The following NAALADL2 variants were observed in gnomAD, a reference collection of about 807,000 sequenced individuals.
NAALADL2 encodes N-acetylated alpha-linked acidic dipeptidase like 2.
A neutral mutation model predicts 87.2 loss-of-function variants in NAALADL2; 76 were observed. The ratio of observed to expected loss-of-function variants is 0.87; its 90% CI spans 0.72 to 1.05. The LOEUF is 1.05. Ranked by LOEUF, NAALADL2 falls within the 50% of genes least tolerant of loss-of-function variation. The pLI is 0.00. For synonymous variants in NAALADL2, 354 were observed against 331.0 expected (o/e 1.07, Z -0.75); for missense variants, 1,089 against 945.8 (o/e 1.15, Z -1.99).
At chr3:175,576,272 CA>C in intron 10 of NAALADL2, 85 bp downstream of exon 10, 1 of 1,237,822 alleles carries the variant, frequency 8.1e-7, no homozygotes. Flanking sequence ...ATTCAATTTT[CA>C]TATCAAATAG....
intron 2 of NAALADL2, among the ~76,000 whole-genome samples, chr3:175,231,722 G>T (rs1483293555): frequency 6.6e-6 from 1 of 152,020 alleles, no homozygotes; most frequent in East Asian, 1.9e-4. Context: ...AGCAGTCTTC[G>T]CATTTTTCTT....
intron 3 of NAALADL2, among the ~76,000 whole-genome samples, chr3:174,783,688 T>C (rs1013760190): frequency 6.6e-6 from 1 of 152,154 alleles, no homozygotes; most frequent in African/African-American, 2.4e-5. Flanking sequence ...TAAGCGGCCA[T>C]ATTTGTAGGC....
At chr3:175,781,788 G>A (rs1462960532) in intron 13 of NAALADL2, among the ~76,000 whole-genome samples, 1 of 151,482 alleles carries the variant, frequency 6.6e-6, no homozygotes, top group Non-Finnish European at 1.5e-5. Context: ...GTATACATGT[G>A]CCATGCTGGT....
intron 2 of NAALADL2, among the ~76,000 whole-genome samples, chr3:174,690,043 T>C (rs1728416912): frequency 6.6e-6 from 1 of 152,296 alleles, no homozygotes; most frequent in Non-Finnish European, 1.5e-5. Context: ...AAAATGTGGT[T>C]GCTTTGTCAT....
At chr3:174,472,621 A>G (rs1020553009) in intron 1 of NAALADL2, among the ~76,000 whole-genome samples, 1 of 152,104 alleles carries the variant, frequency 6.6e-6, no homozygotes, top group African/African-American at 2.4e-5. Flanking sequence ...TTGCTCTCAA[A>G]TTTGTTTCCT....
chr3:175,300,637 C>A (rs1204438311), intron 4 of NAALADL2, among the ~76,000 whole-genome samples: 1 of 151,602 alleles, frequency 6.6e-6, no homozygotes, highest in Non-Finnish European at 1.5e-5. Context: ...GGTGATCCCC[C>A]CTTTATCATA....
chr3:175,080,902 T>C (rs904949470), intron 1 of NAALADL2, among the ~76,000 whole-genome samples: 1 of 152,236 alleles, frequency 6.6e-6, no homozygotes, highest in East Asian at 1.9e-4. Flanking sequence ...ATTTTGCCTT[T>C]AGAAAGATCT....
At chr3:174,810,319 G>T (rs1463912071) in intron 3 of NAALADL2, among the ~76,000 whole-genome samples, 2 of 151,996 alleles carry the variant, frequency 1.3e-5, no homozygotes, top group African/African-American at 4.8e-5. Context: ...CTAGAGACTT[G>T]TTGATTGATT....
At chr3:175,151,707 T>C (rs1560094521) in intron 2 of NAALADL2, among the ~76,000 whole-genome samples, 1 of 152,112 alleles carries the variant, frequency 6.6e-6, no homozygotes, top group Non-Finnish European at 1.5e-5. Context: ...CATGCATACA[T>C]ACTACTCGAC....
intron 1 of NAALADL2, among the ~76,000 whole-genome samples, chr3:174,926,661 A>AT (rs1177612245): frequency 2.2e-4 from 33 of 152,310 alleles, no homozygotes; most frequent in African/African-American, 7.9e-4. Flanking sequence ...ATGCTGAGAG[A>AT]TTTTGTCACC....
intron 1 of NAALADL2, among the ~76,000 whole-genome samples, chr3:174,934,346 T>A (rs529247756): frequency 6.6e-6 from 1 of 152,290 alleles, no homozygotes; most frequent in African/African-American, 2.4e-5. Flanking sequence ...TTAACCCAGA[T>A]GACTTTGTAC....
chr3:175,780,923 G>T (rs539891745), intron 13 of NAALADL2, among the ~76,000 whole-genome samples: 1 of 152,210 alleles, frequency 6.6e-6, no homozygotes, highest in African/African-American at 2.4e-5. Flanking sequence ...TTGCCTTTGG[G>T]CTCAACTCTT....
intron 1 of NAALADL2, among the ~76,000 whole-genome samples, chr3:175,026,170 T>G (rs531885048): frequency 6.6e-6 from 1 of 152,182 alleles, no homozygotes; most frequent in African/African-American, 2.4e-5. Flanking sequence ...CCTTCTGTAC[T>G]AAAGAAGTGC....
chr3:175,305,828 T>C (rs1193652142), intron 4 of NAALADL2, among the ~76,000 whole-genome samples: 1 of 152,196 alleles, frequency 6.6e-6, no homozygotes. Flanking sequence ...GGCGTATTTA[T>C]TTCTTTAATG....
chr3:174,789,595 A>G (rs1295264727), intron 3 of NAALADL2, among the ~76,000 whole-genome samples: 2 of 152,184 alleles, frequency 1.3e-5, no homozygotes, highest in East Asian at 3.9e-4. Context: ...TAAAACAAAA[A>G]CACAAGAAAA....
At chr3:174,677,785 A>G (rs1254642926) in intron 2 of NAALADL2, among the ~76,000 whole-genome samples, 1 of 152,030 alleles carries the variant, frequency 6.6e-6, no homozygotes, top group African/African-American at 2.4e-5. Context: ...CATTTTCTCC[A>G]TGAGGAACAT....
chr3:175,179,775 T>G (rs1736199211), intron 2 of NAALADL2, among the ~76,000 whole-genome samples: 1 of 152,042 alleles, frequency 6.6e-6, no homozygotes, highest in Non-Finnish European at 1.5e-5. Context: ...TTATCATGTT[T>G]TATTTTGTTG....
At chr3:175,375,064 G>T (rs893109999) in intron 5 of NAALADL2, among the ~76,000 whole-genome samples, 2 of 151,938 alleles carry the variant, frequency 1.3e-5, no homozygotes, top group African/African-American at 4.8e-5. Context: ...ATTTACCTTG[G>T]CACTATTGTT....
chr3:175,610,388 G>GC (rs1397657802), intron 10 of NAALADL2, among the ~76,000 whole-genome samples: 1 of 151,938 alleles, frequency 6.6e-6, no homozygotes, highest in African/African-American at 2.4e-5. Flanking sequence ...TACAGATAAT[G>GC]ACCTGTAGCA....
Sources: gnomAD v4.1 joint callset for allele counts (sites outside exome capture counted in the v4.1 genomes callset) on GRCh38, gnomAD v4.1.1 for gene constraint, MANE v1.5 for transcripts, NCBI Gene and HGNC (gene_info 2026-07-23, HGNC 2026-07-21) for gene names.